STX8: variants seen among roughly 807,000 people sequenced by gnomAD.
STX8 encodes the protein syntaxin 8, also known as syntaxin-8.
A neutral mutation model predicts 37.5 loss-of-function variants in STX8; 23 were observed. That is an observed-to-expected ratio of 0.61 (90% CI 0.44 to 0.87). STX8 has a LOEUF of 0.87. Among genes scored for constraint, STX8 ranks in the 40% least tolerant of loss-of-function variants. The pLI, the probability that STX8 is intolerant of heterozygous loss-of-function variation, is 0.00. For missense variants in STX8, 313 were observed against 284.7 expected (o/e 1.10, Z -0.71); for synonymous variants, 115 against 99.1 (o/e 1.16, Z -0.95).
intron 7 of STX8, among the ~76,000 whole-genome samples, chr17:9,322,481 C>A (rs1172560013): frequency 1.3e-5 from 2 of 152,198 alleles, no homozygotes; most frequent in Non-Finnish European, 2.9e-5. Flanking sequence ...CCAAGCCCAG[C>A]AGGGGACGCT....
intron 6 of STX8, among the ~76,000 whole-genome samples, chr17:9,477,545 CATTCTCAAAATT>C (rs1906155755): frequency 6.6e-6 from 1 of 152,098 alleles, no homozygotes; most frequent in African/African-American, 2.4e-5. Context: ...TTAAAACTAT[CATTCTCAAAATT>C]TTAAAAATCA....
chr17:9,499,115 A>C (rs1183642773), intron 5 of STX8, among the ~76,000 whole-genome samples: 1 of 152,206 alleles, frequency 6.6e-6, no homozygotes, highest in Non-Finnish European at 1.5e-5. Flanking sequence ...TTCTACCAGT[A>C]AACTGTAATT....
At chr17:9,355,332 C>CTTTTT (rs57991262) in intron 7 of STX8, among the ~76,000 whole-genome samples, 2 of 116,260 alleles carry the variant, frequency 1.7e-5, no homozygotes, top group Admixed American at 9.5e-5. Context: ...CTTTGTGGAA[C>CTTTTT]TTTTTTTTTT....
intron 7 of STX8, among the ~76,000 whole-genome samples, chr17:9,319,230 T>C (rs1462547039): frequency 3.3e-5 from 5 of 151,850 alleles, no homozygotes; most frequent in Non-Finnish European, 5.9e-5. Context: ...CCGTCCTGGC[T>C]AACACAGTGA....
intron 6 of STX8, among the ~76,000 whole-genome samples, chr17:9,397,182 C>T (rs1912434108): frequency 1.3e-5 from 2 of 152,078 alleles, no homozygotes; most frequent in South Asian, 4.1e-4. Flanking sequence ...CAGATCACGA[C>T]GTCAGGAGTT....
chr17:9,381,310 T>G (rs1911810452), intron 6 of STX8, among the ~76,000 whole-genome samples: 1 of 152,088 alleles, frequency 6.6e-6, no homozygotes, highest in Non-Finnish European at 1.5e-5. Flanking sequence ...TTTGGAGATG[T>G]GCTGTTCAAT....
chr17:9,558,687 G>A (rs1158967645), intron 2 of STX8, among the ~76,000 whole-genome samples: 1 of 152,212 alleles, frequency 6.6e-6, no homozygotes, highest in Admixed American at 6.5e-5. Context: ...GCTGGGCGCG[G>A]TGGCGGGCGC....
intron 4 of STX8, among the ~76,000 whole-genome samples, chr17:9,539,910 C>G (rs1906209507): frequency 6.6e-6 from 1 of 152,040 alleles, no homozygotes; most frequent in Admixed American, 6.6e-5. Context: ...AATGACTAGG[C>G]AACTGACAAT....
At chr17:9,375,841 A>G (rs2142280055) in intron 7 of STX8, among the ~76,000 whole-genome samples, 1 of 152,290 alleles carries the variant, frequency 6.6e-6, no homozygotes, top group Non-Finnish European at 1.5e-5. Context: ...CAAAGATGGG[A>G]AAATCGTGGC....
At chr17:9,287,953 T>G (rs1201593127) in intron 7 of STX8, among the ~76,000 whole-genome samples, 1 of 151,766 alleles carries the variant, frequency 6.6e-6, no homozygotes, top group African/African-American at 2.4e-5. Context: ...TTTCACCATG[T>G]TGGCCAGGAT....
chr17:9,532,670 T>C (rs1033655978), intron 4 of STX8, among the ~76,000 whole-genome samples: 4 of 152,200 alleles, frequency 2.6e-5, no homozygotes, highest in Non-Finnish European at 5.9e-5. Context: ...CAAATATTCA[T>C]TCCCATAAAC....
At chr17:9,495,683 T>C (rs973346433) in intron 5 of STX8, among the ~76,000 whole-genome samples, 2 of 152,230 alleles carry the variant, frequency 1.3e-5, no homozygotes, top group Admixed American at 1.3e-4. Flanking sequence ...AGCAATTCTC[T>C]CCACATCTTT....
intron 7 of STX8, among the ~76,000 whole-genome samples, chr17:9,377,008 C>T (rs1442989449): frequency 1.3e-5 from 2 of 152,146 alleles, no homozygotes; most frequent in African/African-American, 4.8e-5. Flanking sequence ...TCGGGCAGGA[C>T]AGTGGTGATA....
intron 7 of STX8, among the ~76,000 whole-genome samples, chr17:9,261,403 C>T (rs956123610): frequency 3.3e-5 from 5 of 152,280 alleles, no homozygotes; most frequent in East Asian, 1.9e-4. Flanking sequence ...TACTGTGTGT[C>T]GGGTCCAATG....
intron 6 of STX8, among the ~76,000 whole-genome samples, chr17:9,405,880 C>T (rs1912783767): frequency 1.3e-5 from 2 of 152,150 alleles, no homozygotes; most frequent in Admixed American, 1.3e-4. Flanking sequence ...TTAAATTCTC[C>T]AGCTTTAGAT....
intron 7 of STX8, among the ~76,000 whole-genome samples, chr17:9,309,565 CT>C (rs896689653): frequency 6.6e-6 from 1 of 152,262 alleles, no homozygotes; most frequent in African/African-American, 2.4e-5. Context: ...TCCCTGGCCC[CT>C]GATAGTACAC....
At chr17:9,536,169 C>T (rs1906042865) in intron 4 of STX8, among the ~76,000 whole-genome samples, 1 of 152,202 alleles carries the variant, frequency 6.6e-6, no homozygotes, top group Admixed American at 6.5e-5. Flanking sequence ...TTGCAGATTT[C>T]TTAGCCATAT....
chr17:9,349,316 C>CTTTTTTTTTTTTTTTTTTTTTTTTTTTTT, intron 7 of STX8, among the ~76,000 whole-genome samples: 1 of 109,798 alleles, frequency 9.1e-6, no homozygotes, highest in Non-Finnish European at 1.8e-5. Flanking sequence ...ATTTTCTTTT[C>CTTTTTTTTTTTTTTTTTTTTTTTTTTTTT]TTTTTTTTTT....
intron 7 of STX8, among the ~76,000 whole-genome samples, chr17:9,294,249 A>G (rs191566028): frequency 6.6e-6 from 1 of 152,340 alleles, no homozygotes; most frequent in East Asian, 1.9e-4. Context: ...CAAGATAGGA[A>G]GGAAAGGAAA....
Sources: allele counts gnomAD v4.1 joint callset (sites outside exome capture counted in the v4.1 genomes callset), GRCh38; gene constraint gnomAD v4.1.1; transcripts MANE v1.5; gene names NCBI Gene and HGNC (gene_info 2026-07-23, HGNC 2026-07-21).